The following EMC2 variants were observed in gnomAD, a reference collection of about 807,000 sequenced individuals.
EMC2 encodes ER membrane protein complex subunit 2.
EMC2 carries 37 observed loss-of-function variants against 51.6 expected under a neutral mutation model. The observed-to-expected ratio is 0.72, with a 90% CI of 0.55 to 0.94. EMC2 has a LOEUF of 0.94. Among genes scored for constraint, EMC2 ranks in the 40% least tolerant of loss-of-function variants. The probability of loss-of-function intolerance (pLI) is 0.00; values close to 1 mark genes in which losing one functional copy is unlikely to be tolerated. For synonymous variants in EMC2, 131 were observed against 112.4 expected (o/e 1.17, Z -1.04); for missense variants, 359 against 350.9 (o/e 1.02, Z -0.18).
chr8:108,476,509 G>T (rs1810949486), intron 8 of EMC2, among the ~76,000 whole-genome samples: 1 of 151,864 alleles, frequency 6.6e-6, no homozygotes, highest in African/African-American at 2.4e-5. Flanking sequence ...AGCTGAAATA[G>T]AAATTATTCT....
intron 3 of EMC2, 51 bp from the exon 4 acceptor site, chr8:108,453,011 A>T (rs771321186): frequency 1.0e-6 from 1 of 952,406 alleles, no homozygotes; most frequent in South Asian, 1.6e-5. Context: ...CATCCATTGT[A>T]GCCCATTTAG....
chr8:108,469,787 A>G (rs376058448), intron 5 of EMC2, 39 bp from the exon 6 acceptor site: 1 of 1,527,636 alleles, frequency 6.5e-7, no homozygotes, highest in Admixed American at 1.7e-5. Context: ...ACCCCAAGGA[A>G]TCATAAGGGC....
intron 7 of EMC2, 111 bp from the exon 8 acceptor site, chr8:108,475,771 G>A: frequency 1.7e-6 from 1 of 586,338 alleles, no homozygotes; most frequent in Non-Finnish European, 3.0e-6. Flanking sequence ...AAATTATATT[G>A]GGAATAAATT....
chr8:108,446,772 A>G (rs896050381), intron 1 of EMC2, among the ~76,000 whole-genome samples: 20 of 152,194 alleles, frequency 1.3e-4, no homozygotes, highest in Non-Finnish European at 4.4e-5. Flanking sequence ...TTTTAGATAA[A>G]TGTATTTAAG....
intron 10 of EMC2, among the ~76,000 whole-genome samples, chr8:108,483,719 C>G (rs955696157): frequency 3.3e-5 from 5 of 151,872 alleles, no homozygotes; most frequent in Non-Finnish European, 7.4e-5. Context: ...GTGTTTTTTT[C>G]TGGTGAGTTT....
chr8:108,467,337 C>CT (rs1327442892), intron 5 of EMC2, among the ~76,000 whole-genome samples: 2 of 149,344 alleles, frequency 1.3e-5, no homozygotes, highest in East Asian at 3.9e-4. Context: ...TGTGGCAAAA[C>CT]TTTAAGACTT....
At chr8:108,445,297 T>G (rs574590193) in intron 1 of EMC2, among the ~76,000 whole-genome samples, 16 of 152,354 alleles carry the variant, frequency 1.1e-4, no homozygotes, top group African/African-American at 3.8e-4. Flanking sequence ...CTAATATGAT[T>G]ATGTCCTTCC....
In EMC2 at chr8:108,476,812, C is replaced by G. The variant is rs189315527; in HGVS notation, c.622C>G (p.Leu208Val). ...GTATACCCAAGGTGGACTTGAAAAC[C>G]TCGAACTTTCAAGAAAGTATTTTGC... ...VKYTQGGLEN[L>V]ELSRKYFAQA... is the part of the protein sequence containing the mutation. Residue 208 changes from leucine to valine, a missense_variant, in exon 9 of 11, where the codon CTC becomes GTC. Physicochemically the swap from Leu to Val is conservative, Grantham distance 32. Transcript: ENST00000220853. 8 of 1,602,136 alleles carry G rather than the reference C, an allele frequency of 5.0e-6. No individual in the cohort carries two copies. The East Asian group carries it at 1.6e-4, about 31-fold the overall frequency.
chr8:108,473,593 G>A (rs1810897499), intron 7 of EMC2, among the ~76,000 whole-genome samples: 1 of 151,914 alleles, frequency 6.6e-6, no homozygotes. Context: ...TATACAGCAA[G>A]GAACAGTTAG....
At position 108,480,610 on chromosome 8, in the gene EMC2, T is replaced by C. The variant is rs536406540; in HGVS notation, c.807+1500T>C. 8.5e-5 allele frequency among the ~76,000 whole-genome samples: 13 copies of C among 152,270 alleles called. No individual in the cohort carries two copies. In the South Asian group the frequency reaches 2.5e-3, roughly 29 times the overall value. ...TTGCTCTCACTTTAAATGTTACATATTGTTGTTACAGTTTGTGTTTCTTCC... is the reference window on the plus strand; with the variant it reads ...TTGCTCTCACTTTAAATGTTACATACTGTTGTTACAGTTTGTGTTTCTTCC... On this transcript the variant is annotated intron_variant, in intron 10 of 10. Transcript: ENST00000220853.
At chr8:108,478,268 A>G (rs571378930) in intron 9 of EMC2, among the ~76,000 whole-genome samples, 3 of 152,202 alleles carry the variant, frequency 2.0e-5, no homozygotes, top group South Asian at 4.1e-4. Flanking sequence ...AGTAATATAT[A>G]CATTTAATAA....
intron 7 of EMC2, chr8:108,474,909 G>A (rs1810920799): frequency 1.3e-5 from 2 of 151,588 alleles, no homozygotes; most frequent in African/African-American, 4.8e-5. Context: ...AACACATTTA[G>A]AACAATGCAT....
intron 9 of EMC2, among the ~76,000 whole-genome samples, chr8:108,477,477 A>G (rs998560024): frequency 1.3e-5 from 2 of 152,060 alleles, no homozygotes; most frequent in South Asian, 2.1e-4. Context: ...GCACCTCCCT[A>G]CAATAAGAAA....
chr8:108,473,766 T>C (rs1810901332), intron 7 of EMC2: 1 of 152,062 alleles, frequency 6.6e-6, no homozygotes, highest in South Asian at 2.1e-4. Flanking sequence ...TATATACTTT[T>C]GTAAGGAAGA....
At chr8:108,474,692 T>C (rs568884778) in intron 7 of EMC2, 11 of 152,076 alleles carry the variant, frequency 7.2e-5, no homozygotes, top group South Asian at 6.2e-4. Flanking sequence ...CACATTTTCA[T>C]GTTACCATTG....
chr8:108,469,831 A>C lies in EMC2; in HGVS notation c.369A>C (p.Ala123=), dbSNP rs756422174. The C allele has an allele frequency of 6.2e-7, 1 of 1,613,204 alleles. No homozygotes were observed. Among genetic ancestry groups the C allele is most frequent in the South Asian group, 1.1e-5 (1 of 91,036 alleles). ...ILQEDPTNTA[A]RKRKIAIRKA... is the part of the protein sequence containing the mutation. ...TTATTAATGTCAACCCACAGGCTGC[A>C]AGAAAGCGTAAGATTGCCATTCGAA... The change falls in exon 6 of 11, where the codon GCA becomes GCC. Residue 123 remains alanine (A), a synonymous_variant. Coordinates refer to ENST00000220853, the MANE Select transcript of EMC2 (RefSeq NM_014673.5).
intron 9 of EMC2, among the ~76,000 whole-genome samples, chr8:108,477,592 G>A (rs889688132): frequency 1.3e-5 from 2 of 151,812 alleles, no homozygotes; most frequent in Non-Finnish European, 2.9e-5. Context: ...GTGAAGAAAT[G>A]GAAATAGGAA....
At position 108,466,634 on chromosome 8, in the gene EMC2, C is replaced by T. The variant is rs181627664; in HGVS notation, c.364-3192C>T. 2.7e-3 allele frequency among the ~76,000 whole-genome samples: 411 copies of T among 151,686 alleles called. 3 individuals carry two copies. The highest frequency in any genetic ancestry group is 9.0e-3 in the African/African-American group (373 of 41,374). ...ACCCAAGTAATCTTTTAAAATTTTT[C>T]GTAGAGATAACATTTTGCTGTGTTG... is the stretch of plus-strand genomic sequence containing the variant. On this transcript the variant is annotated intron_variant, in intron 5 of 10. Transcript: ENST00000220853.
intron 4 of EMC2, among the ~76,000 whole-genome samples, chr8:108,453,733 C>A (rs991870259): frequency 6.6e-6 from 1 of 152,030 alleles, no homozygotes; most frequent in Non-Finnish European, 1.5e-5. Context: ...TTCAGTACTT[C>A]TAGATAATTG....
Sources: gnomAD v4.1 joint callset for allele counts (sites outside exome capture counted in the v4.1 genomes callset) on GRCh38, gnomAD v4.1.1 for gene constraint, MANE v1.5 for transcripts, NCBI Gene and HGNC (gene_info 2026-07-23, HGNC 2026-07-21) for gene names.